TBC1D14: variants seen among roughly 807,000 people sequenced by gnomAD.
TBC1D14 encodes TBC1 domain family, member 14.
In TBC1D14, 26 loss-of-function variants were observed where a neutral mutation model predicts 79.0. The ratio of observed to expected loss-of-function variants is 0.33; its 90% CI spans 0.24 to 0.46. The LOEUF (loss-of-function observed/expected upper bound fraction) is 0.46, where lower values mean the gene tolerates loss of function less well. Ranked by LOEUF, TBC1D14 falls within the 20% of genes least tolerant of loss-of-function variation. TBC1D14 has a pLI of 1.00. For synonymous variants in TBC1D14, 394 were observed against 349.9 expected, an observed-to-expected ratio of 1.13 and a Z score of -1.40; for missense variants, 769 against 887.6, an observed-to-expected ratio of 0.87 and a Z score of 1.70.
intron 13 of TBC1D14, among the ~76,000 whole-genome samples, chr4:7,027,898 A>C (rs1325081755): frequency 7.0e-6 from 1 of 142,604 alleles, no homozygotes; most frequent in African/African-American, 2.6e-5. Flanking sequence ...CCAGTCACCC[A>C]CAATCACACA....
intron 3 of TBC1D14, among the ~76,000 whole-genome samples, chr4:6,990,278 G>A (rs1285553020): frequency 6.6e-6 from 1 of 152,122 alleles, no homozygotes; most frequent in Non-Finnish European, 1.5e-5. Flanking sequence ...GCAAAACCCT[G>A]TCTCTACTAA....
intron 2 of TBC1D14, among the ~76,000 whole-genome samples, chr4:6,947,187 C>G (rs1481292619): frequency 1.3e-5 from 2 of 151,900 alleles, no homozygotes; most frequent in Non-Finnish European, 2.9e-5. Flanking sequence ...GTGGTGAGAC[C>G]CCTGTCGCTA....
chr4:6,959,196 CATT>C (rs1367768601), intron 2 of TBC1D14, among the ~76,000 whole-genome samples: 1 of 152,104 alleles, frequency 6.6e-6, no homozygotes, highest in Non-Finnish European at 1.5e-5. Flanking sequence ...AGGATGGTAG[CATT>C]ATTAACTCAC....
chr4:6,987,239 C>G (rs938918758), intron 3 of TBC1D14: 1 of 1,260,790 alleles, frequency 7.9e-7, no homozygotes, highest in Non-Finnish European at 1.0e-6. Context: ...TCTGAGGAGC[C>G]GCCGCGTCCG....
Position 6,967,439 on chromosome 4 carries a change from A to C in TBC1D14, c.843+15A>C, listed in dbSNP as rs1278081159. 6.2e-7 allele frequency: 1 copy of C among 1,609,350 alleles called. No homozygotes were observed. Among genetic ancestry groups the C allele is most frequent in the Non-Finnish European group, 8.5e-7 (1 of 1,179,126 alleles). On this transcript the variant is annotated intron_variant, in intron 3 of 13. Coordinates refer to ENST00000409757, the MANE Select transcript of TBC1D14 (RefSeq NM_020773.3). ...GAATACAGAAGGTACACAAGATACA[A>C]AATCACAGAAATAGGCTGTTGGATG... is the stretch of plus-strand genomic sequence containing the variant.
chr4:6,924,569 G>A (rs1193034778), intron 2 of TBC1D14, among the ~76,000 whole-genome samples: 1 of 152,172 alleles, frequency 6.6e-6, no homozygotes, highest in Non-Finnish European at 1.5e-5. Flanking sequence ...CGTGCCCCTG[G>A]ATGGCTGTGC....
intron 3 of TBC1D14, among the ~76,000 whole-genome samples, chr4:6,986,074 A>T (rs919002833): frequency 6.6e-6 from 1 of 152,200 alleles, no homozygotes; most frequent in African/African-American, 2.4e-5. Context: ...TCTCACCCCC[A>T]GGCAAACATG....
intron 3 of TBC1D14, among the ~76,000 whole-genome samples, chr4:6,981,465 A>T (rs1345427650): frequency 6.6e-6 from 1 of 152,236 alleles, no homozygotes. Context: ...GATGAATCCT[A>T]CTGAACATTT....
chr4:6,954,273 C>G (rs779682550), intron 2 of TBC1D14: 80 of 717,450 alleles, frequency 1.1e-4, no homozygotes, highest in Admixed American at 5.8e-4. Context: ...TGCAGCCGGC[C>G]CCTCGGAGCT....
chr4:6,940,477 G>C (rs1712800496), intron 2 of TBC1D14, among the ~76,000 whole-genome samples: 1 of 152,202 alleles, frequency 6.6e-6, no homozygotes, highest in South Asian at 2.1e-4. Flanking sequence ...GGTGGCAGGT[G>C]GGGGTGCTGG....
intron 7 of TBC1D14, among the ~76,000 whole-genome samples, chr4:7,002,015 T>A (rs1168217858): frequency 6.6e-6 from 1 of 152,210 alleles, no homozygotes; most frequent in Non-Finnish European, 1.5e-5. Context: ...TTTATGCTCA[T>A]GAAGGCCTTG....
At chr4:6,992,532 C>T (rs1718608368) in intron 3 of TBC1D14, among the ~76,000 whole-genome samples, 2 of 152,254 alleles carry the variant, frequency 1.3e-5, no homozygotes, top group African/African-American at 2.4e-5. Flanking sequence ...TGGGCATCCA[C>T]ATCCTGCCAT....
At chr4:7,025,773 T>C (rs1341100296) in intron 13 of TBC1D14, among the ~76,000 whole-genome samples, 1 of 152,224 alleles carries the variant, frequency 6.6e-6, no homozygotes, top group Non-Finnish European at 1.5e-5. Flanking sequence ...CATGCGCTGC[T>C]GTGCCCTCTC....
Position 7,025,128 on chromosome 4 carries a change from G to A in TBC1D14, c.1882G>A (p.Asp628Asn), listed in dbSNP as rs142693056. 3.1e-6 allele frequency: 5 copies of A among 1,614,102 alleles called. No individual in the cohort carries two copies. The highest frequency in any genetic ancestry group is 4.2e-6 in the Non-Finnish European group (5 of 1,180,040). Residue 628 changes from aspartate (D) to asparagine (N), a missense_variant, in exon 13 of 14, where the codon GAC becomes AAC. Transcript: ENST00000409757. The part of the protein sequence containing the change: ...TALGILKLFE[D>N]ILTKMDFIHM... The stretch of plus-strand genomic sequence containing the variant: ...CCTGGGCATCCTGAAGCTGTTCGAG[G>A]ACATCCTGACCAAGATGGACTTCAT...
chr4:6,979,697 T>C (rs1389319645), intron 3 of TBC1D14, among the ~76,000 whole-genome samples: 2 of 151,972 alleles, frequency 1.3e-5, no homozygotes, highest in Non-Finnish European at 2.9e-5. Flanking sequence ...AATATGTAGA[T>C]TAAAATAAAA....
rs62289201 is a variant in TBC1D14 at position 7,023,417 on chromosome 4, C to T, written c.1758-1587C>T. Among the ~76,000 whole-genome samples, 444 of 152,278 alleles carry T rather than the reference C, an allele frequency of 2.9e-3. 4 individuals are homozygous for T. The highest frequency in any genetic ancestry group is 5.1e-3 in the Non-Finnish European group (346 of 68,020). ...CCGAGTGGACTCTCCTGCCCTTTCT[C>T]ATAGTGTTAACAAGCATGCTCTCCA... is the stretch of plus-strand genomic sequence containing the variant. On this transcript the variant is annotated intron_variant, in intron 12 of 13. Transcript: ENST00000409757.
intron 12 of TBC1D14, 79 bp from the exon 13 acceptor site, chr4:7,024,925 G>A: frequency 6.4e-7 from 1 of 1,567,380 alleles, no homozygotes; most frequent in Non-Finnish European, 8.7e-7. Context: ...TGTTTTTCAT[G>A]GAATCAGACT....
chr4:7,015,849 C>A (rs576482340), intron 12 of TBC1D14, among the ~76,000 whole-genome samples: 1 of 152,144 alleles, frequency 6.6e-6, no homozygotes, highest in Non-Finnish European at 1.5e-5. Context: ...GTAGGGTGAC[C>A]GTGCGGCACC....
intron 3 of TBC1D14, among the ~76,000 whole-genome samples, chr4:6,984,985 AG>A (rs1717693536): frequency 6.6e-6 from 1 of 152,198 alleles, no homozygotes; most frequent in South Asian, 2.1e-4. Context: ...CCGAGAGAAA[AG>A]CCCCTGGGAG....
Sources: allele counts gnomAD v4.1 joint callset (sites outside exome capture counted in the v4.1 genomes callset), GRCh38; gene constraint gnomAD v4.1.1; transcripts MANE v1.5; gene names NCBI Gene and HGNC (gene_info 2026-07-23, HGNC 2026-07-21).